The following ORC5 variants were observed in gnomAD, a reference collection of about 807,000 sequenced individuals.
ORC5 encodes protein phosphatase 1, regulatory subunit 117.
Under a neutral mutation model 58.8 loss-of-function variants are expected in ORC5, and 39 were observed. The ratio of observed to expected loss-of-function variants is 0.66; its 90% CI spans 0.51 to 0.87. The LOEUF is 0.87. Ranked by LOEUF, ORC5 falls within the 40% of genes least tolerant of loss-of-function variation. The pLI is 0.00. For synonymous variants in ORC5, 218 were observed against 177.6 expected (o/e 1.23, Z -1.81); for missense variants, 493 against 506.3 (o/e 0.97, Z 0.25).
chr7:104,199,760 G>C (rs1460050381), intron 3 of ORC5, among the ~76,000 whole-genome samples: 1 of 152,196 alleles, frequency 6.6e-6, no homozygotes, highest in African/African-American at 2.4e-5. Context: ...GGGACTATTG[G>C]GAAGCCACAG....
chr7:104,193,604 A>G (rs114147288), intron 5 of ORC5, among the ~76,000 whole-genome samples: 2,254 of 152,144 alleles, frequency 0.015, 59 homozygotes, highest in African/African-American at 0.051. Context: ...CGACAAGGTA[A>G]CACTAATCAC....
chr7:104,181,784 T>C (rs1222125915), intron 8 of ORC5, among the ~76,000 whole-genome samples: 1 of 137,340 alleles, frequency 7.3e-6, no homozygotes, highest in South Asian at 2.3e-4. Flanking sequence ...AGAGCGAGAC[T>C]CCGTCTCAAA....
chr7:104,201,055 T>A, intron 2 of ORC5, 97 bp from the exon 3 acceptor site: 1 of 1,037,534 alleles, frequency 9.6e-7, no homozygotes, highest in East Asian at 2.6e-5. Flanking sequence ...TCTAAATCTA[T>A]ATCCCACCAA....
chr7:104,145,688 TAA>T (rs1798742886), intron 12 of ORC5, among the ~76,000 whole-genome samples: 1 of 151,840 alleles, frequency 6.6e-6, no homozygotes, highest in Admixed American at 6.6e-5. Flanking sequence ...GGAAATAATA[TAA>T]GAGGCGACCA....
chr7:104,178,172 T>C (rs1430017675), intron 8 of ORC5, among the ~76,000 whole-genome samples: 6 of 152,238 alleles, frequency 3.9e-5, no homozygotes, highest in African/African-American at 1.2e-4. Context: ...GTTGAACTAA[T>C]TTACACTCCC....
At chr7:104,134,106 G>C (rs1255519780) in intron 13 of ORC5, among the ~76,000 whole-genome samples, 1 of 152,088 alleles carries the variant, frequency 6.6e-6, no homozygotes, top group Non-Finnish European at 1.5e-5. Context: ...GCGTTAGAAT[G>C]TGGGGTTTAA....
chr7:104,162,857 T>C (rs1799046065), intron 11 of ORC5, among the ~76,000 whole-genome samples: 1 of 152,222 alleles, frequency 6.6e-6, no homozygotes, highest in Non-Finnish European at 1.5e-5. Context: ...TAGAATTTGA[T>C]GTACTCTCAT....
At chr7:104,156,931 T>TAAAC (rs906872374) in intron 12 of ORC5, among the ~76,000 whole-genome samples, 5 of 151,946 alleles carry the variant, frequency 3.3e-5, no homozygotes, top group African/African-American at 1.2e-4. Flanking sequence ...AAGGTCTGTT[T>TAAAC]GCCTGGCTCA....
intron 8 of ORC5, among the ~76,000 whole-genome samples, chr7:104,180,306 A>T (rs1440191618): frequency 6.6e-6 from 1 of 150,934 alleles, no homozygotes; most frequent in Non-Finnish European, 1.5e-5. Context: ...TAACTGTCCC[A>T]AGAAACAAAT....
chr7:104,146,834 C>T (rs1392157462), intron 12 of ORC5, among the ~76,000 whole-genome samples: 1 of 152,072 alleles, frequency 6.6e-6, no homozygotes, highest in African/African-American at 2.4e-5. Flanking sequence ...TGAATGAGAT[C>T]AGTAGATTGC....
intron 3 of ORC5, among the ~76,000 whole-genome samples, 193 bp from the exon 4 acceptor site, chr7:104,197,992 T>TA (rs1313328359): frequency 1.3e-5 from 2 of 152,158 alleles, no homozygotes; most frequent in Non-Finnish European, 1.5e-5. Flanking sequence ...TTAATATTGT[T>TA]ATCAAGGGAG....
chr7:104,171,046 C>A (rs558461626), intron 8 of ORC5, among the ~76,000 whole-genome samples: 2 of 152,130 alleles, frequency 1.3e-5, no homozygotes, highest in Non-Finnish European at 2.9e-5. Context: ...ATTGCCTGAA[C>A]TTTGCTCCTG....
chr7:104,147,684 T>C (rs972456088), intron 12 of ORC5, among the ~76,000 whole-genome samples: 1 of 152,140 alleles, frequency 6.6e-6, no homozygotes, highest in Non-Finnish European at 1.5e-5. Flanking sequence ...TGAAAAATAA[T>C]ACAACACATA....
chr7:104,188,078 G>C (rs1397179420), intron 6 of ORC5, 173 bp downstream of exon 6: 1 of 955,800 alleles, frequency 1.0e-6, no homozygotes, highest in African/African-American at 1.7e-5. Flanking sequence ...ACCTTCTTAT[G>C]GTATGTTAGT....
chr7:104,181,158 T>C (rs531956113), intron 8 of ORC5, among the ~76,000 whole-genome samples: 1 of 152,198 alleles, frequency 6.6e-6, no homozygotes. Flanking sequence ...TGAGGATGTT[T>C]TTATGATTTT....
chr7:104,195,835 T>C (rs1250777190), intron 4 of ORC5, among the ~76,000 whole-genome samples: 3 of 152,212 alleles, frequency 2.0e-5, no homozygotes, highest in Non-Finnish European at 1.5e-5. Context: ...TTAAATATAT[T>C]GAGAGGCTTA....
intron 8 of ORC5, among the ~76,000 whole-genome samples, chr7:104,178,991 GTAAATT>G (rs1799379108): frequency 6.6e-6 from 1 of 151,852 alleles, no homozygotes; most frequent in African/African-American, 2.4e-5. Flanking sequence ...ATTTTAGAAA[GTAAATT>G]TAAGAAAACA....
rs759468600 is a variant in ORC5, at chr7:104,136,768, C to T, written c.1262+13G>A. 1 of 1,515,886 alleles carries T rather than the reference C, an allele frequency of 6.6e-7. No homozygotes were observed. Among genetic ancestry groups the T allele is most frequent in the Non-Finnish European group, 9.2e-7 (1 of 1,091,176 alleles). The allele number at this position is 1,515,886 out of a possible 1,614,324, so 93.9% of individuals were successfully genotyped here. A position where few individuals can be genotyped will look rare whatever the true frequency, so the allele number is the denominator to read the frequency against. ...ATATTTAGTATATCATTACATAATT[C>T]AAGACATTTTACCTTGCAATAGCTC... On this transcript the variant is annotated intron_variant, in intron 13 of 13. Transcript: ENST00000297431. This position sits in a 1 kb window ranked among gnomAD's most constrained non-coding sequence, Gnocchi z 4.2.
At chr7:104,202,932 T>C (rs955753818) in intron 2 of ORC5, among the ~76,000 whole-genome samples, 1 of 152,092 alleles carries the variant, frequency 6.6e-6, no homozygotes, top group Non-Finnish European at 1.5e-5. Context: ...CAGGGAAACA[T>C]AAACACAAAA....
Sources: allele counts gnomAD v4.1 joint callset (sites outside exome capture counted in the v4.1 genomes callset), GRCh38; gene constraint gnomAD v4.1.1; non-coding constraint Gnocchi (gnomAD v3.1); transcripts MANE v1.5; gene names NCBI Gene and HGNC (gene_info 2026-07-23, HGNC 2026-07-21).